C1QTNF7: variants seen among roughly 807,000 people sequenced by gnomAD.
C1QTNF7 encodes the protein C1q and TNF related 7.
Under a neutral mutation model 19.6 loss-of-function variants are expected in C1QTNF7, and 15 were observed. That is an observed-to-expected ratio of 0.76 (90% CI 0.51 to 1.18). C1QTNF7 has a LOEUF of 1.18. Ranked by LOEUF, C1QTNF7 falls within the 50% of genes most tolerant of loss-of-function variation. The pLI is 0.00. For missense variants in C1QTNF7, 324 were observed against 359.7 expected (o/e 0.90, Z 0.80); for synonymous variants, 142 against 137.5 (o/e 1.03, Z -0.23).
At chr4:15,372,161 G>A (rs1365300219) in intron 1 of C1QTNF7, among the ~76,000 whole-genome samples, 3 of 152,118 alleles carry the variant, frequency 2.0e-5, no homozygotes, top group Non-Finnish European at 4.4e-5. Context: ...TTTACTTCCC[G>A]CAGGCTTGCT....
chr4:15,405,054 A>C (rs1172018609), intron 1 of C1QTNF7, among the ~76,000 whole-genome samples: 1 of 152,214 alleles, frequency 6.6e-6, no homozygotes, highest in Non-Finnish European at 1.5e-5. Flanking sequence ...CTTTAGTTGC[A>C]TGCAACAGAA....
chr4:15,398,871 T>G (rs1718883112), intron 1 of C1QTNF7, among the ~76,000 whole-genome samples: 1 of 152,186 alleles, frequency 6.6e-6, no homozygotes, highest in Non-Finnish European at 1.5e-5. Context: ...AGTGCATGAC[T>G]CCACCTTTTG....
upstream of C1QTNF7, among the ~76,000 whole-genome samples, chr4:15,427,093 T>C (rs1029484811): frequency 6.6e-6 from 1 of 152,028 alleles, no homozygotes. Context: ...GTGTGGAGAG[T>C]GGATCCCAAA....
intron 1 of C1QTNF7, among the ~76,000 whole-genome samples, chr4:15,373,063 G>T (rs1296052674): frequency 6.6e-6 from 1 of 152,148 alleles, no homozygotes; most frequent in Non-Finnish European, 1.5e-5. Flanking sequence ...CATTAGTACT[G>T]CTATAACAAA....
At chr4:15,422,937 C>T (rs528176119) in intron 1 of C1QTNF7, among the ~76,000 whole-genome samples, 6 of 152,176 alleles carry the variant, frequency 3.9e-5, no homozygotes, top group African/African-American at 7.2e-5. Flanking sequence ...AAGTTTTTTA[C>T]GTTTTAAAAT....
At chr4:15,431,110 A>T (rs966850808) in intron 1 of C1QTNF7, among the ~76,000 whole-genome samples, 3 of 152,138 alleles carry the variant, frequency 2.0e-5, no homozygotes, top group African/African-American at 4.8e-5. Flanking sequence ...AGATAGATTC[A>T]TTGCACCATT....
chr4:15,431,979 T>G (rs1712332144), intron 1 of C1QTNF7, among the ~76,000 whole-genome samples: 1 of 152,098 alleles, frequency 6.6e-6, no homozygotes, highest in East Asian at 1.9e-4. Context: ...GGGTTGAACT[T>G]AGTGACAAGA....
At chr4:15,341,872 T>G (rs1716552277) in intron 1 of C1QTNF7, among the ~76,000 whole-genome samples, 2 of 152,032 alleles carry the variant, frequency 1.3e-5, no homozygotes, top group African/African-American at 2.4e-5. Context: ...GGCAGAGAAA[T>G]GCACAGTGTG....
intron 1 of C1QTNF7, among the ~76,000 whole-genome samples, chr4:15,397,940 C>T (rs946305843): frequency 5.7e-4 from 87 of 152,322 alleles, no homozygotes; most frequent in East Asian, 2.7e-3. Flanking sequence ...CAAGAGCACC[C>T]AGTGGAATTA....
chr4:15,419,822 C>G (rs567545738), intron 1 of C1QTNF7: 1 of 152,208 alleles, frequency 6.6e-6, no homozygotes, highest in African/African-American at 2.4e-5. Flanking sequence ...CACACACAAA[C>G]ATACACACAC....
chr4:15,381,155 C>T (rs932446659), intron 1 of C1QTNF7, among the ~76,000 whole-genome samples: 1 of 152,118 alleles, frequency 6.6e-6, no homozygotes, highest in Non-Finnish European at 1.5e-5. Flanking sequence ...CGGTGGCTCA[C>T]ACCTGTAATG....
At chr4:15,345,770 G>A (rs906340175) in intron 1 of C1QTNF7, among the ~76,000 whole-genome samples, 2 of 152,156 alleles carry the variant, frequency 1.3e-5, no homozygotes, top group Non-Finnish European at 2.9e-5. Context: ...GTTTGCCAGC[G>A]GAGGAGGCAT....
intron 1 of C1QTNF7, among the ~76,000 whole-genome samples, chr4:15,367,447 A>G (rs1297663381): frequency 6.6e-6 from 1 of 152,210 alleles, no homozygotes; most frequent in East Asian, 1.9e-4. Flanking sequence ...CAGTACTACC[A>G]GCACCATTTA....
chr4:15,421,081 C>T (rs1711736630), intron 1 of C1QTNF7, among the ~76,000 whole-genome samples: 1 of 151,776 alleles, frequency 6.6e-6, no homozygotes, highest in African/African-American at 2.4e-5. Context: ...CCACAAAATG[C>T]CTCACATGTT....
Position 15,442,201 on chromosome 4 carries a change from C to A in C1QTNF7, c.272C>A (p.Ala91Asp). 6.2e-7 allele frequency: 1 copy of A among 1,612,514 alleles called. No homozygotes were observed. The highest frequency in any genetic ancestry group is 2.2e-5 in the East Asian group (1 of 44,872). ...GGTAAGACTGGACCGCTAGGTCTTG[C>A]CGGTGAGAAAGGGGACCAAGGAGAG... is the stretch of plus-strand genomic sequence containing the variant. ...LRGKTGPLGL[A>D]GEKGDQGETG... The change falls in exon 3 of 3, where the codon GCC becomes GAC. Residue 91 changes from alanine to aspartate, a missense_variant. Physicochemically the swap from Ala to Asp is moderately radical, Grantham distance 126. Coordinates refer to ENST00000444304, the MANE Select transcript of C1QTNF7 (RefSeq NM_031911.5).
Position 15,428,084 on chromosome 4 carries a change from G to A in C1QTNF7, c.-31G>A, listed in dbSNP as rs1163856302. The A allele has an allele frequency of 1.0e-6, 1 of 985,268 alleles. No homozygotes were observed. The highest frequency in any genetic ancestry group is 1.2e-6 in the Non-Finnish European group (1 of 829,914). 61.0% of individuals were successfully genotyped at this position (985,268 alleles called of 1,614,324 possible). On this transcript the variant is annotated 5_prime_UTR_variant, in exon 1 of 3. Transcript: ENST00000444304. ...TCTCTTGTGGATTTAGAATCCTGCA[G>A]CAGCCCACCATCTAAGAGCAAGGTA... is the stretch of plus-strand genomic sequence containing the variant.
chr4:15,376,311 A>G (rs1055421812), intron 1 of C1QTNF7, among the ~76,000 whole-genome samples: 2 of 152,216 alleles, frequency 1.3e-5, no homozygotes, highest in Admixed American at 6.5e-5. Flanking sequence ...AAGTTATTCA[A>G]ATTTGGGGAA....
At chr4:15,360,402 C>T (rs952359648) in intron 1 of C1QTNF7, among the ~76,000 whole-genome samples, 5 of 152,144 alleles carry the variant, frequency 3.3e-5, no homozygotes, top group Non-Finnish European at 5.9e-5. Context: ...TTTACGTATG[C>T]TTACGTTTAA....
rs1712980181 is a variant in C1QTNF7 at position 15,445,919 on chromosome 4, A to G, written c.*3120A>G. On this transcript the variant is annotated 3_prime_UTR_variant, in exon 3 of 3. Transcript: ENST00000444304. ...AAGCAGATGAGAAGAAATGGGAAAA[A>G]CAAAAAAAAAAGAAAATAATGAGGC... is the stretch of plus-strand genomic sequence containing the variant. 6.6e-6 allele frequency: 1 copy of G among 152,124 alleles called. No individual in the cohort carries two copies. Among genetic ancestry groups the G allele is most frequent in the Admixed American group, 6.5e-5 (1 of 15,270 alleles). 9.4% of individuals were successfully genotyped at this position (152,124 alleles called of 1,614,324 possible). A position where few individuals can be genotyped will look rare whatever the true frequency, so the allele number is the denominator to read the frequency against.
Sources: gnomAD v4.1 joint callset for allele counts (sites outside exome capture counted in the v4.1 genomes callset) on GRCh38, gnomAD v4.1.1 for gene constraint, MANE v1.5 for transcripts, NCBI Gene and HGNC (gene_info 2026-07-23, HGNC 2026-07-21) for gene names.